Variants in BBS9 observed in about 807,000 individuals in gnomAD.
The protein encoded by BBS9 is protein PTHB1.
A neutral mutation model predicts 117.7 loss-of-function variants in BBS9; 89 were observed. The observed-to-expected ratio is 0.76, with a 90% CI of 0.64 to 0.90. The LOEUF (loss-of-function observed/expected upper bound fraction) is 0.90, where lower values mean the gene tolerates loss of function less well. Among genes scored for constraint, BBS9 ranks in the 40% least tolerant of loss-of-function variants. BBS9 has a pLI of 0.00. For missense variants in BBS9, 982 were observed against 1,042.2 expected, an observed-to-expected ratio of 0.94 and a Z score of 0.80; for synonymous variants, 379 against 370.9, an observed-to-expected ratio of 1.02 and a Z score of -0.25.
intron 4 of BBS9, among the ~76,000 whole-genome samples, chr7:33,156,927 G>A (rs922305448): frequency 1.3e-4 from 19 of 151,948 alleles, no homozygotes; most frequent in Admixed American, 6.6e-4. Context: ...ATTATCATAC[G>A]ATATAGGCTA....
intron 7 of BBS9, among the ~76,000 whole-genome samples, chr7:33,271,319 G>A (rs553804603): frequency 9.2e-5 from 14 of 152,220 alleles, no homozygotes; most frequent in African/African-American, 2.2e-4. Flanking sequence ...ACAAGTCTGC[G>A]TAATAACCAG....
intron 5 of BBS9, among the ~76,000 whole-genome samples, chr7:33,216,760 C>T (rs7809366): frequency 0.11 from 17,167 of 152,062 alleles, 1,143 homozygotes; most frequent in African/African-American, 0.18. Context: ...AATTGCCTTT[C>T]AAAAAATTCA....
chr7:33,444,261 A>G (rs1836650953), intron 19 of BBS9, among the ~76,000 whole-genome samples: 1 of 152,216 alleles, frequency 6.6e-6, no homozygotes. Context: ...ATCATTCTCT[A>G]TTCTTAAACT....
chr7:33,238,268 A>G (rs887294862), intron 5 of BBS9, among the ~76,000 whole-genome samples: 9 of 152,038 alleles, frequency 5.9e-5, no homozygotes, highest in African/African-American at 1.9e-4. Context: ...AACTTCAGGA[A>G]TAGTGGGGAG....
At chr7:33,445,905 C>A (rs1183278291) in intron 19 of BBS9, among the ~76,000 whole-genome samples, 1 of 152,070 alleles carries the variant, frequency 6.6e-6, no homozygotes, top group Admixed American at 6.5e-5. Context: ...TTTAAGTTTC[C>A]TAGGGCTTCC....
chr7:33,550,277 TA>T (rs1854182507), intron 21 of BBS9, among the ~76,000 whole-genome samples: 1 of 152,348 alleles, frequency 6.6e-6, no homozygotes, highest in South Asian at 2.1e-4. Context: ...ATTAAAGTTT[TA>T]TTTTTTTTGT....
At chr7:33,597,430 C>T (rs953353704) in intron 21 of BBS9, among the ~76,000 whole-genome samples, 3 of 150,272 alleles carry the variant, frequency 2.0e-5, no homozygotes, top group African/African-American at 7.5e-5. Context: ...AATGTGTCTC[C>T]TTGCCTGATT....
intron 20 of BBS9, among the ~76,000 whole-genome samples, chr7:33,510,783 C>T (rs965524577): frequency 2.0e-5 from 3 of 152,264 alleles, no homozygotes; most frequent in African/African-American, 4.8e-5. Flanking sequence ...AGGACATTTC[C>T]GTTATTGCAG....
intron 21 of BBS9, among the ~76,000 whole-genome samples, chr7:33,586,951 C>G (rs1346298367): frequency 6.6e-6 from 1 of 152,022 alleles, no homozygotes; most frequent in Non-Finnish European, 1.5e-5. Flanking sequence ...GTACTATGCT[C>G]ACTCCCTGAG....
At chr7:33,163,588 TTTC>T (rs1795205659) in intron 4 of BBS9, among the ~76,000 whole-genome samples, 1 of 152,232 alleles carries the variant, frequency 6.6e-6, no homozygotes, top group South Asian at 2.1e-4. Context: ...AATTTATCCA[TTTC>T]TTCTAGATTT....
chr7:33,211,994 C>T (rs745751284), intron 5 of BBS9, among the ~76,000 whole-genome samples: 26 of 152,118 alleles, frequency 1.7e-4, no homozygotes, highest in Admixed American at 5.9e-4. Context: ...GCTGCTTTTA[C>T]GATTTTTTCT....
At chr7:33,374,514 A>G (rs907106621) in intron 17 of BBS9, among the ~76,000 whole-genome samples, 14 of 152,196 alleles carry the variant, frequency 9.2e-5, no homozygotes, top group African/African-American at 3.1e-4. Flanking sequence ...AGAATATTAT[A>G]TAAATCTAGC....
At chr7:33,607,859 A>T (rs1864664857), downstream of BBS9, among the ~76,000 whole-genome samples, 1 of 150,792 alleles carries the variant, frequency 6.6e-6, no homozygotes, top group Non-Finnish European at 1.5e-5. Context: ...CATTTTAAAT[A>T]GCCATGCAAT....
intron 16 of BBS9, among the ~76,000 whole-genome samples, chr7:33,359,319 C>A (rs1008582): frequency 6.6e-6 from 1 of 151,950 alleles, no homozygotes; most frequent in Non-Finnish European, 1.5e-5. Context: ...TAGATAAATG[C>A]AACCCAATTA....
intron 1 of BBS9, among the ~76,000 whole-genome samples, chr7:33,141,177 C>T (rs1791398538): frequency 6.6e-6 from 1 of 152,056 alleles, no homozygotes; most frequent in Non-Finnish European, 1.5e-5. Flanking sequence ...AATTCCACCA[C>T]TTTGGGAGGC....
In BBS9 at chr7:33,330,204, G is replaced by A. The variant is rs1813733984; in HGVS notation, c.1017-6237G>A. On this transcript the variant is annotated intron_variant, in intron 9 of 22. Coordinates refer to ENST00000242067, the MANE Select transcript of BBS9 (RefSeq NM_198428.3). The stretch of plus-strand genomic sequence containing the variant: ...AAATTTTTTGTATTTTAGTAGAGAT[G>A]GGGTTTTACCGTGTTGCCCAGGCTG... 2.0e-5 allele frequency among the ~76,000 whole-genome samples: 3 copies of A among 151,892 alleles called. No individual in the cohort carries two copies. The South Asian group carries it at 6.2e-4, about 32-fold the overall frequency.
chr7:33,398,010 A>G (rs1003416855), intron 19 of BBS9, among the ~76,000 whole-genome samples: 4 of 152,190 alleles, frequency 2.6e-5, no homozygotes, highest in Non-Finnish European at 4.4e-5. Flanking sequence ...AAAAATTAAA[A>G]AAATTGATGA....
chr7:33,598,359 C>G (rs984822962), intron 21 of BBS9, among the ~76,000 whole-genome samples: 12 of 151,918 alleles, frequency 7.9e-5, no homozygotes, highest in Non-Finnish European at 1.2e-4. Context: ...TCAAGGCTAT[C>G]GAAAACAAAG....
intron 5 of BBS9, among the ~76,000 whole-genome samples, chr7:33,209,127 C>T (rs1787534088): frequency 6.6e-6 from 1 of 152,102 alleles, no homozygotes; most frequent in African/African-American, 2.4e-5. Flanking sequence ...TGGTAATCAT[C>T]TTTCTTTATC....
Sources: allele counts gnomAD v4.1 joint callset (sites outside exome capture counted in the v4.1 genomes callset), GRCh38; gene constraint gnomAD v4.1.1; transcripts MANE v1.5; gene names NCBI Gene and HGNC (gene_info 2026-07-23, HGNC 2026-07-21).